RGSL1: variants seen among roughly 807,000 people sequenced by gnomAD.
RGSL1 encodes the protein regulator of G protein signaling protein-like.
RGSL1 carries 97 observed loss-of-function variants against 124.7 expected under a neutral mutation model. The observed-to-expected ratio is 0.78, with a 90% CI of 0.66 to 0.92. RGSL1 has a LOEUF of 0.92. RGSL1 is among the 40% of genes least tolerant of loss of function. The probability of loss-of-function intolerance (pLI) is 0.00; values close to 1 mark genes in which losing one functional copy is unlikely to be tolerated. For synonymous variants in RGSL1, 424 were observed against 438.1 expected (o/e 0.97, Z 0.40); for missense variants, 1,233 against 1,288.4 (o/e 0.96, Z 0.66).
intron 15 of RGSL1, among the ~76,000 whole-genome samples, chr1:182,543,209 A>T (rs1322097814): frequency 6.6e-6 from 1 of 152,038 alleles, no homozygotes. Context: ...TGCATTTATT[A>T]TTTTGAGGTA....
chr1:182,560,012 C>A (rs1197615346), intron 21 of RGSL1, among the ~76,000 whole-genome samples: 1 of 152,208 alleles, frequency 6.6e-6, no homozygotes, highest in African/African-American at 2.4e-5. Flanking sequence ...CAGTGACATG[C>A]AGATAATAGT....
intron 2 of RGSL1, among the ~76,000 whole-genome samples, chr1:182,457,283 G>A (rs774118278): frequency 6.6e-6 from 1 of 152,174 alleles, no homozygotes; most frequent in Non-Finnish European, 1.5e-5. Flanking sequence ...GCCCTCTATG[G>A]TATAAATGTC....
At chr1:182,543,670 G>A (rs1270433779) in intron 15 of RGSL1, among the ~76,000 whole-genome samples, 1 of 151,906 alleles carries the variant, frequency 6.6e-6, no homozygotes, top group Non-Finnish European at 1.5e-5. Context: ...TCAGGTCCTG[G>A]CATTTTCTTT....
chr1:182,548,248 G>C, intron 15 of RGSL1, 69 bp from the exon 16 acceptor site: 1 of 1,519,912 alleles, frequency 6.6e-7, no homozygotes, highest in Non-Finnish European at 8.9e-7. Context: ...ATGAGTCTAG[G>C]CTGGGTGCCT....
chr1:182,544,212 T>C (rs547992123), intron 15 of RGSL1, among the ~76,000 whole-genome samples: 4 of 152,264 alleles, frequency 2.6e-5, no homozygotes, highest in African/African-American at 9.6e-5. Flanking sequence ...TCTTCATTTG[T>C]TTCAAGGAAT....
intron 17 of RGSL1, chr1:182,550,895 G>A (rs376663588): frequency 2.3e-5 from 13 of 560,112 alleles, no homozygotes; most frequent in East Asian, 8.8e-5. Context: ...TGCCAGGCCC[G>A]CGCTGGAGCC....
chr1:182,491,835 T>C (rs945181985), intron 8 of RGSL1, among the ~76,000 whole-genome samples: 6 of 152,146 alleles, frequency 3.9e-5, no homozygotes, highest in Admixed American at 3.9e-4. Flanking sequence ...ATCCCAGAAC[T>C]CACAACCCAA....
At chr1:182,530,968 G>C in intron 13 of RGSL1, 58 bp downstream of exon 13, 2 of 1,507,748 alleles carry the variant, frequency 1.3e-6, no homozygotes, top group Non-Finnish European at 1.8e-6. Context: ...TCGTCTTGGG[G>C]GTAGGTTTTT....
At chr1:182,488,787 C>T (rs1477588177) in intron 7 of RGSL1, 193 bp from the exon 8 acceptor site, 1 of 469,824 alleles carries the variant, frequency 2.1e-6, no homozygotes, top group Non-Finnish European at 3.7e-6. Flanking sequence ...AAAATTTCTT[C>T]CTTATAGAAA....
intron 17 of RGSL1, chr1:182,550,809 C>T: frequency 2.8e-6 from 1 of 356,636 alleles, no homozygotes. Context: ...AACCTCACCC[C>T]AGGCCTCAGG....
At chr1:182,509,796 C>T (rs1385663189) in intron 9 of RGSL1, among the ~76,000 whole-genome samples, 48 of 115,766 alleles carry the variant, frequency 4.1e-4, no homozygotes, top group African/African-American at 1.5e-3. Context: ...CCGGATGGGG[C>T]GGCTGGCCGG....
At chr1:182,513,101 C>A (rs975565959) in intron 9 of RGSL1, among the ~76,000 whole-genome samples, 2 of 152,240 alleles carry the variant, frequency 1.3e-5, no homozygotes, top group African/African-American at 4.8e-5. Flanking sequence ...AGGGGTGGGG[C>A]CTTTGCCAGG....
Position 182,533,780 on chromosome 1 carries a change from A to T in RGSL1, c.2494+989A>T, listed in dbSNP as rs183284569. On this transcript the variant is annotated intron_variant, in intron 14 of 21. Coordinates refer to ENST00000294854, the MANE Select transcript of RGSL1 (RefSeq NM_001137669.2). ...TTACTGCTATTATTATATAATTGTG[A>T]TGAGTGATCCCGGCGATAATTGCAG... Among the ~76,000 whole-genome samples the T allele has an allele frequency of 1.2e-4, 19 of 152,344 alleles. No individual in the cohort carries two copies. In the East Asian group the frequency reaches 3.7e-3, roughly 29 times the overall value.
chr1:182,555,934 T>C, intron 20 of RGSL1, 90 bp from the exon 21 acceptor site: 1 of 1,231,184 alleles, frequency 8.1e-7, no homozygotes, highest in South Asian at 1.3e-5. Context: ...TTGCCATTCC[T>C]AAAGGAAATG....
At chr1:182,488,803 T>A in intron 7 of RGSL1, 177 bp from the exon 8 acceptor site, 1 of 495,860 alleles carries the variant, frequency 2.0e-6, no homozygotes, top group Non-Finnish European at 3.5e-6. Context: ...AGAAAATGAG[T>A]TTGATTAGAA....
chr1:182,455,959 C>T (rs77384279), intron 2 of RGSL1, among the ~76,000 whole-genome samples: 2,384 of 152,166 alleles, frequency 0.016, 61 homozygotes, highest in African/African-American at 0.054. Flanking sequence ...GGCAGGAGAC[C>T]TTAATGGAGG....
At chr1:182,497,220 G>GAGAT (rs1421327610) in intron 9 of RGSL1, among the ~76,000 whole-genome samples, 22 of 149,940 alleles carry the variant, frequency 1.5e-4, no homozygotes, top group East Asian at 5.9e-4. Context: ...GAATGAAAAA[G>GAGAT]AGATAGAAAG....
chr1:182,515,031 G>A (rs577102005), intron 9 of RGSL1, among the ~76,000 whole-genome samples: 47 of 152,168 alleles, frequency 3.1e-4, no homozygotes, highest in Non-Finnish European at 5.9e-4. Flanking sequence ...CAGGGTGTGA[G>A]GGAGAGAGAA....
intron 4 of RGSL1, among the ~76,000 whole-genome samples, chr1:182,468,426 A>G (rs1653530907): frequency 6.6e-6 from 1 of 152,264 alleles, no homozygotes; most frequent in Non-Finnish European, 1.5e-5. Context: ...ACCATGGAAT[A>G]CTATGCAGCC....
Sources: allele counts gnomAD v4.1 joint callset (sites outside exome capture counted in the v4.1 genomes callset), GRCh38; gene constraint gnomAD v4.1.1; transcripts MANE v1.5; gene names NCBI Gene and HGNC (gene_info 2026-07-23, HGNC 2026-07-21).